Variants in CNIH3 observed in about 807,000 individuals in gnomAD.
CNIH3 encodes cornichon family AMPA receptor auxiliary protein 3, also known as protein cornichon homolog 3.
CNIH3 carries 14 observed loss-of-function variants against 24.1 expected under a neutral mutation model. The observed-to-expected ratio is 0.58, with a 90% CI of 0.38 to 0.91. CNIH3 has a LOEUF of 0.91. Ranked by LOEUF, CNIH3 falls within the 40% of genes least tolerant of loss-of-function variation. The pLI is 0.00. For synonymous variants in CNIH3, 68 were observed against 73.8 expected, an observed-to-expected ratio of 0.92 and a Z score of 0.40; for missense variants, 178 against 196.8, an observed-to-expected ratio of 0.90 and a Z score of 0.57.
Position 224,684,532 on chromosome 1 carries a change from C to T in CNIH3, c.151-264C>T, listed in dbSNP as rs919914206. 1.3e-5 allele frequency among the ~76,000 whole-genome samples: 2 copies of T among 152,134 alleles called. No individual in the cohort carries two copies. The highest frequency in any genetic ancestry group is 2.4e-5 in the African/African-American group (1 of 41,434). On this transcript the variant is annotated intron_variant, in intron 2 of 5. Transcript: ENST00000272133. This position sits in a 1 kb window ranked among gnomAD's most constrained non-coding sequence, Gnocchi z 4.2. Reference sequence around the variant, plus strand: ...CTTTGTAGATAAAGGAACAGAAATCCGTGCTGGACTGAGAGGGCAGTTGAG... The same window carrying T: ...CTTTGTAGATAAAGGAACAGAAATCTGTGCTGGACTGAGAGGGCAGTTGAG...
At chr1:224,479,802 A>G (rs186237450) in intron 1 of CNIH3, among the ~76,000 whole-genome samples, 3 of 152,290 alleles carry the variant, frequency 2.0e-5, no homozygotes, top group African/African-American at 4.8e-5. Context: ...GTGGCTTTGC[A>G]GGGTTCAGCC....
In CNIH3 at chr1:224,724,620, T is replaced by G. The variant is rs545082718; in HGVS notation, c.199-5842T>G. On this transcript the variant is annotated intron_variant, in intron 3 of 5. Coordinates refer to ENST00000272133, the MANE Select transcript of CNIH3 (RefSeq NM_152495.2). ...AGATATAGTATCTTTTTCTCCACAC[T>G]CTTTGGCTCCTGGGGCAAATAAACC... Among the ~76,000 whole-genome samples the G allele has an allele frequency of 2.6e-5, 4 of 152,280 alleles. No homozygotes were observed. In the South Asian group the frequency reaches 8.3e-4, roughly 32 times the overall value.
chr1:224,577,243 A>C (rs1437886829), intron 4 of CNIH3, among the ~76,000 whole-genome samples: 1 of 152,220 alleles, frequency 6.6e-6, no homozygotes, highest in Non-Finnish European at 1.5e-5. Context: ...TGCACAGCAA[A>C]AGAAATAATC....
intron 1 of CNIH3, among the ~76,000 whole-genome samples, chr1:224,453,370 T>C (rs1408032383): frequency 6.6e-6 from 1 of 151,760 alleles, no homozygotes; most frequent in Non-Finnish European, 1.5e-5. Flanking sequence ...TTTTTTTTTG[T>C]AGAAACGGTT....
intron 3 of CNIH3, among the ~76,000 whole-genome samples, chr1:224,562,015 T>A (rs1292127739): frequency 6.6e-6 from 1 of 151,956 alleles, no homozygotes; most frequent in Admixed American, 6.6e-5. Flanking sequence ...TGAAGACACC[T>A]CCAACATTGA....
intron 1 of CNIH3, among the ~76,000 whole-genome samples, chr1:224,452,731 G>A (rs1284022844): frequency 2.1e-5 from 3 of 142,412 alleles, no homozygotes; most frequent in Admixed American, 7.2e-5. Flanking sequence ...GCAGTGAGCC[G>A]AGATCGCGCC....
chr1:224,729,635 G>T (rs1689216780), intron 3 of CNIH3, among the ~76,000 whole-genome samples: 1 of 151,874 alleles, frequency 6.6e-6, no homozygotes, highest in African/African-American at 2.4e-5. Context: ...CCTACTGCTG[G>T]TCTAGGTGCC....
intron 1 of CNIH3, among the ~76,000 whole-genome samples, chr1:224,460,983 T>C (rs552356750): frequency 6.6e-6 from 1 of 151,708 alleles, no homozygotes; most frequent in East Asian, 1.9e-4. Flanking sequence ...ATTCATTGTA[T>C]ATTTTATTTA....
At chr1:224,645,308 T>C (rs902835293) in intron 1 of CNIH3, among the ~76,000 whole-genome samples, 3 of 152,228 alleles carry the variant, frequency 2.0e-5, no homozygotes, top group African/African-American at 7.2e-5. Flanking sequence ...CATTACTTGG[T>C]GCTGCAGAGG....
At chr1:224,487,012 A>T (rs1018161820) in intron 1 of CNIH3, among the ~76,000 whole-genome samples, 4 of 152,206 alleles carry the variant, frequency 2.6e-5, no homozygotes, top group Non-Finnish European at 5.9e-5. Flanking sequence ...CAAACTCATA[A>T]ATGTCACATC....
chr1:224,477,063 G>A (rs558031571), intron 1 of CNIH3, among the ~76,000 whole-genome samples: 4 of 152,322 alleles, frequency 2.6e-5, no homozygotes, highest in African/African-American at 9.6e-5. Context: ...TTTCTAAGCA[G>A]CTGGTGACCA....
intron 3 of CNIH3, among the ~76,000 whole-genome samples, chr1:224,560,267 A>G (rs1680309971): frequency 2.6e-5 from 4 of 152,238 alleles, no homozygotes; most frequent in Admixed American, 6.5e-5. Flanking sequence ...TCTGGGTCAC[A>G]GGATGAGCAA....
chr1:224,621,623 A>G (rs1000925422), intron 1 of CNIH3, among the ~76,000 whole-genome samples: 1 of 152,090 alleles, frequency 6.6e-6, no homozygotes, highest in African/African-American at 2.4e-5. Flanking sequence ...GTCACTGTCC[A>G]TTGCCCCACA....
Position 224,453,995 on chromosome 1 carries a change from A to G in CNIH3, n.203+19133A>G, listed in dbSNP as rs899594207. 3.8e-4 allele frequency among the ~76,000 whole-genome samples: 58 copies of G among 152,116 alleles called. 4 individuals are homozygous for G. The highest frequency in any genetic ancestry group is 2.9e-5 in the Non-Finnish European group (2 of 68,048). On this transcript the variant is annotated intron_variant and non_coding_transcript_variant, in intron 1 of 5. Transcript: ENST00000471578. ...AATCTCTGTCTTAACTTTAGGCAGAATTATCTTGAACTGTTCTAGTAGGAT... is the reference window on the plus strand; with the variant it reads ...AATCTCTGTCTTAACTTTAGGCAGAGTTATCTTGAACTGTTCTAGTAGGAT...
chr1:224,616,343 G>GGCGGCGGCGGCA lies in CNIH3; in HGVS notation c.-827_-826insGGCGGCAGCGGC, dbSNP rs554519229. ...CAGTGGCAAAGGCGGCGGCGGCGGC[G>GGCGGCGGCGGCA]GCGGCAGCGGCAGCAGCAGGTGGAG... is the stretch of plus-strand genomic sequence containing the variant. On this transcript the variant is annotated 5_prime_UTR_variant, in exon 1 of 6. Transcript: ENST00000272133. 4.9e-5 allele frequency: 24 copies of GGCGGCGGCGGCA among 492,574 alleles called. No individual in the cohort carries two copies. In the South Asian group the frequency reaches 7.1e-4, roughly 15 times the overall value. 30.5% of individuals were successfully genotyped at this position (492,574 alleles called of 1,614,324 possible).
intron 4 of CNIH3, among the ~76,000 whole-genome samples, chr1:224,579,345 T>C (rs919065258): frequency 8.5e-5 from 13 of 152,232 alleles, no homozygotes; most frequent in African/African-American, 2.2e-4. Flanking sequence ...GGTGTCTCCA[T>C]AGAGTCCATT....
At chr1:224,598,029 T>C (rs1205291637) in intron 3 of CNIH3, among the ~76,000 whole-genome samples, 3 of 152,050 alleles carry the variant, frequency 2.0e-5, no homozygotes, top group South Asian at 2.1e-4. Flanking sequence ...ACCCCCAACA[T>C]TGTGTTGTGA....
At position 224,474,801 on chromosome 1, in the gene CNIH3, G is replaced by A. The variant is rs1006343969; in HGVS notation, n.203+39939G>A. On this transcript the variant is annotated intron_variant and non_coding_transcript_variant, in intron 1 of 5. Coordinates refer to the CNIH3 transcript ENST00000471578. ...CCAGCACTTTGGGAGGCCAAGGCGGGCAGATCACAAGGTCAGGAGATCGAG... is the reference window on the plus strand; with the variant it reads ...CCAGCACTTTGGGAGGCCAAGGCGGACAGATCACAAGGTCAGGAGATCGAG... 3.9e-5 allele frequency among the ~76,000 whole-genome samples: 6 copies of A among 152,054 alleles called. No individual in the cohort carries two copies. In the East Asian group the frequency reaches 9.6e-4, roughly 24 times the overall value.
At chr1:224,558,038 T>C (rs1315668718) in intron 3 of CNIH3, among the ~76,000 whole-genome samples, 1 of 152,166 alleles carries the variant, frequency 6.6e-6, no homozygotes, top group East Asian at 1.9e-4. Flanking sequence ...CAAACAACCA[T>C]TCGAACTGCT....
Sources: gnomAD v4.1 joint callset for allele counts (sites outside exome capture counted in the v4.1 genomes callset) on GRCh38, gnomAD v4.1.1 for gene constraint, Gnocchi (gnomAD v3.1) non-coding constraint, MANE v1.5 for transcripts, NCBI Gene and HGNC (gene_info 2026-07-23, HGNC 2026-07-21) for gene names.